The following KIF3B variants were observed in gnomAD, a reference collection of about 807,000 sequenced individuals.
KIF3B encodes kinesin-like protein KIF3B.
KIF3B carries 38 observed loss-of-function variants against 74.3 expected under a neutral mutation model. The observed-to-expected ratio is 0.51, with a 90% CI of 0.39 to 0.67. The LOEUF (loss-of-function observed/expected upper bound fraction) is 0.67, where lower values mean the gene tolerates loss of function less well. KIF3B is among the 30% of genes least tolerant of loss of function. The pLI is 0.00. For missense variants in KIF3B, 649 were observed against 932.0 expected, an observed-to-expected ratio of 0.70 and a Z score of 3.95; for synonymous variants, 326 against 342.5, an observed-to-expected ratio of 0.95 and a Z score of 0.53.
intron 1 of KIF3B, among the ~76,000 whole-genome samples, chr20:32,298,341 G>A (rs1448837076): frequency 6.7e-6 from 1 of 150,298 alleles, no homozygotes; most frequent in Non-Finnish European, 1.5e-5. Flanking sequence ...GGAGGCTGAG[G>A]CGGAAAATCG....
At chr20:32,277,963 C>T (rs952789049) in intron 1 of KIF3B, among the ~76,000 whole-genome samples, 198 bp downstream of exon 1, 1 of 152,204 alleles carries the variant, frequency 6.6e-6, no homozygotes, top group Non-Finnish European at 1.5e-5. Context: ...CGCGGCCCGA[C>T]CCCCAGACAC....
chr20:32,331,192 T>G, intron 8 of KIF3B, 31 bp from the exon 9 acceptor site: 1 of 1,490,368 alleles, frequency 6.7e-7, no homozygotes, highest in Non-Finnish European at 9.3e-7. Flanking sequence ...GATGGGGACA[T>G]GTAATATAAA....
chr20:32,304,460 C>T lies in KIF3B; in HGVS notation c.-65-5253C>T, dbSNP rs2047759555. ...GCAATTCCACTTCTAGGAATTGATGCTTACAGATACACTTTCCCACACATG... is the reference window on the plus strand; with the variant it reads ...GCAATTCCACTTCTAGGAATTGATGTTTACAGATACACTTTCCCACACATG... On this transcript the variant is annotated intron_variant, in intron 1 of 8. Coordinates refer to ENST00000375712, the MANE Select transcript of KIF3B (RefSeq NM_004798.4). Among the ~76,000 whole-genome samples, 3 of 152,216 alleles carry T rather than the reference C, an allele frequency of 2.0e-5. No individual in the cohort carries two copies. In the South Asian group the frequency reaches 6.2e-4, roughly 32 times the overall value.
At chr20:32,320,997 T>A (rs978651140) in intron 5 of KIF3B, among the ~76,000 whole-genome samples, 2 of 152,128 alleles carry the variant, frequency 1.3e-5, no homozygotes, top group Admixed American at 6.6e-5. Context: ...CATTTAGGTC[T>A]ATGATCCATT....
intron 1 of KIF3B, among the ~76,000 whole-genome samples, chr20:32,307,918 CAAAAAAA>C (rs574709198): frequency 7.6e-5 from 4 of 52,744 alleles, no homozygotes; most frequent in Non-Finnish European, 1.5e-4. Flanking sequence ...GACTCTGTCT[CAAAAAAA>C]AAAAAAAAAA....
intron 1 of KIF3B, among the ~76,000 whole-genome samples, chr20:32,281,664 C>CCGAGGTTG (rs1397062089): frequency 2.0e-5 from 3 of 152,106 alleles, no homozygotes; most frequent in Non-Finnish European, 2.9e-5. Flanking sequence ...CTGCAGTAAG[C>CCGAGGTTG]CGAGGTTGCG....
In KIF3B at chr20:32,333,357, G is replaced by C. The variant is rs889557978; in HGVS notation, c.*2038G>C. On this transcript the variant is annotated 3_prime_UTR_variant, in exon 9 of 9. Coordinates refer to ENST00000375712, the MANE Select transcript of KIF3B (RefSeq NM_004798.4). Reference sequence around the variant, plus strand: ...TTGAAAACTGCAGATAACCGGCCGGGTATGGTGACTCATGCCTGTAATCCT... The same window carrying C: ...TTGAAAACTGCAGATAACCGGCCGGCTATGGTGACTCATGCCTGTAATCCT... The C allele has an allele frequency of 6.6e-6, 1 of 151,904 alleles. No homozygotes were observed. The highest frequency in any genetic ancestry group is 2.4e-5 in the African/African-American group (1 of 41,334). The allele number at this position is 151,904 out of a possible 1,614,324, so 9.4% of individuals were successfully genotyped here.
rs754368632 is a variant in KIF3B, at chr20:32,316,254, A to G, written c.1441A>G (p.Ile481Val). 1.2e-6 allele frequency: 2 copies of G among 1,613,216 alleles called. No individual in the cohort carries two copies. The highest frequency in any genetic ancestry group is 2.2e-5 in the East Asian group (1 of 44,876). ...TAAGTTGCTTGTTGGAGGAAAAAAT[A>G]TAGTAGATCATACGAATGAACAGCA... ...ESKLLVGGKN[I>V]VDHTNEQQKI... Residue 481 changes from isoleucine to valine, a missense_variant, in exon 3 of 9, where the codon ATA becomes GTA. Physicochemically the swap from Ile to Val is conservative, Grantham distance 29 (BLOSUM62 3). Transcript: ENST00000375712.
At position 32,326,880 on chromosome 20, in the gene KIF3B, C is replaced by G. The variant is rs1266873854; in HGVS notation, c.1858C>G (p.Leu620Val). 4.2e-6 allele frequency: 6 copies of G among 1,417,598 alleles called. No homozygotes were observed. The highest frequency in any genetic ancestry group is 5.9e-6 in the Non-Finnish European group (6 of 1,012,208). 87.8% of individuals were successfully genotyped at this position (1,417,598 alleles called of 1,614,324 possible). ...TTGGAAACTACATCCTATAACCAGA[C>G]TGGAGTAAGTCACTATTAACTTCAA... ...DHWKLHPITR[L>V]ENQQMMKRPV... Residue 620 changes from leucine (L) to valine (V), a missense_variant, in exon 6 of 9, where the codon CTG becomes GTG. Physicochemically the swap from Leu to Val is conservative, Grantham distance 32. This residue lies in a region of KIF3B where 186 missense variants were observed against 198.5 expected (regional missense o/e 0.94). Transcript: ENST00000375712.
chr20:32,303,085 C>T (rs1330225631), intron 1 of KIF3B, among the ~76,000 whole-genome samples: 1 of 151,956 alleles, frequency 6.6e-6, no homozygotes, highest in Non-Finnish European at 1.5e-5. Context: ...CCAGTGTGGC[C>T]CAAGGAAGCC....
intron 2 of KIF3B, among the ~76,000 whole-genome samples, chr20:32,315,550 A>C (rs990606263): frequency 4.6e-5 from 7 of 152,156 alleles, no homozygotes; most frequent in Non-Finnish European, 1.5e-5. Context: ...ACAATCAATC[A>C]GTCAATCAAC....
At chr20:32,288,272 T>G (rs930830726) in intron 1 of KIF3B, among the ~76,000 whole-genome samples, 4 of 152,062 alleles carry the variant, frequency 2.6e-5, no homozygotes, top group Non-Finnish European at 4.4e-5. Flanking sequence ...GAAGATTGCT[T>G]GAGGCCAGAA....
intron 1 of KIF3B, among the ~76,000 whole-genome samples, chr20:32,282,499 A>G (rs895179951): frequency 6.6e-6 from 1 of 152,216 alleles, no homozygotes; most frequent in Non-Finnish European, 1.5e-5. Context: ...ATGCTGGCAG[A>G]AGCTAGCCAG....
rs749304398 is a variant in KIF3B at position 32,316,300 on chromosome 20, G to A, written c.1487G>A (p.Arg496Gln). 4.3e-6 allele frequency: 7 copies of A among 1,612,564 alleles called. No homozygotes were observed. The highest frequency in any genetic ancestry group is 1.7e-5 in the Admixed American group (1 of 60,018). ...CAGCAGAAAATCCTGGAGCAGAAAC[G>A]ACAGGAAATTGCAGAGCAGGTAACT... ...NEQQKILEQKRQEIAEQKRRE... is the reference protein window; with the variant it reads ...NEQQKILEQKQQEIAEQKRRE... The change falls in exon 3 of 9, where the codon CGA becomes CAA. Residue 496 changes from arginine (R) to glutamine (Q), a missense_variant. This residue lies in a region of KIF3B where 363 missense variants were observed against 592.8 expected (regional missense o/e 0.61). Coordinates refer to ENST00000375712, the MANE Select transcript of KIF3B (RefSeq NM_004798.4).
intron 5 of KIF3B, among the ~76,000 whole-genome samples, chr20:32,323,286 C>G (rs1444035979): frequency 6.7e-6 from 1 of 148,574 alleles, no homozygotes; most frequent in Non-Finnish European, 1.5e-5. Context: ...AATCCACATT[C>G]AGATTTTCTT....
At chr20:32,279,143 G>A (rs1368390830) in intron 1 of KIF3B, among the ~76,000 whole-genome samples, 3 of 151,846 alleles carry the variant, frequency 2.0e-5, no homozygotes, top group Non-Finnish European at 4.4e-5. Flanking sequence ...GGCTGGTCTC[G>A]AACTCCTGGC....
At chr20:32,280,438 G>A (rs2047636744) in intron 1 of KIF3B, among the ~76,000 whole-genome samples, 2 of 152,208 alleles carry the variant, frequency 1.3e-5, no homozygotes, top group East Asian at 3.9e-4. Context: ...AAGCTGTCCA[G>A]GCATGGTGGC....
chr20:32,309,759 G>T lies in KIF3B; in HGVS notation c.-19G>T. Reference sequence around the variant, plus strand: ...TTTGAATTGACACTTCTCAAGATTTGACTGGATCAGAGTTCATCATGTCAA... The same window carrying T: ...TTTGAATTGACACTTCTCAAGATTTTACTGGATCAGAGTTCATCATGTCAA... On this transcript the variant is annotated 5_prime_UTR_variant, in exon 2 of 9. Transcript: ENST00000375712. 1.9e-6 allele frequency: 3 copies of T among 1,597,844 alleles called. No homozygotes were observed. In the South Asian group the frequency reaches 3.4e-5, roughly 18 times the overall value.
intron 1 of KIF3B, among the ~76,000 whole-genome samples, chr20:32,285,421 A>G (rs2047663057): frequency 6.6e-6 from 1 of 152,184 alleles, no homozygotes; most frequent in Admixed American, 6.5e-5. Flanking sequence ...AAAACATTCC[A>G]TCTCACTGTG....
Sources: allele counts gnomAD v4.1 joint callset (sites outside exome capture counted in the v4.1 genomes callset), GRCh38; gene constraint gnomAD v4.1.1; regional missense constraint gnomAD v4.1.1; transcripts MANE v1.5; gene names NCBI Gene and HGNC (gene_info 2026-07-23, HGNC 2026-07-21).